SV2C: variants seen among roughly 807,000 people sequenced by gnomAD.
SV2C encodes the protein solute carrier family 22 member B3.
A neutral mutation model predicts 79.7 loss-of-function variants in SV2C; 49 were observed. The observed-to-expected ratio is 0.61, with a 90% CI of 0.49 to 0.78. The LOEUF is 0.78. Ranked by LOEUF, SV2C falls within the 30% of genes least tolerant of loss-of-function variation. The probability of loss-of-function intolerance (pLI) is 0.00; values close to 1 mark genes in which losing one functional copy is unlikely to be tolerated. For synonymous variants in SV2C, 334 were observed against 333.2 expected (o/e 1.00, Z -0.03); for missense variants, 833 against 912.9 (o/e 0.91, Z 1.13).
chr5:75,984,574 T>TCTGTCTATCTATCTATCTATCTAC, the SV2C span, among the ~76,000 whole-genome samples: 1 of 83,248 alleles, frequency 1.2e-5, no homozygotes, highest in African/African-American at 3.2e-5. Context: ...TCTATATCTA[T>TCTGTCTATCTATCTATCTATCTAC]CTATCTATCT....
chr5:76,068,242 T>G, the SV2C span, among the ~76,000 whole-genome samples: 14 of 152,194 alleles, frequency 9.2e-5, no homozygotes, highest in African/African-American at 2.9e-4. Flanking sequence ...CCTAGATTTC[T>G]AAAGAGTCAG....
intron 4 of SV2C, among the ~76,000 whole-genome samples, chr5:76,279,342 A>T (rs1747113726): frequency 1.3e-5 from 2 of 152,198 alleles, no homozygotes; most frequent in African/African-American, 4.8e-5. Context: ...TTGGAGATAG[A>T]TTAGTGCCCC....
At chr5:76,170,711 C>G (rs1580324556) in intron 2 of SV2C, among the ~76,000 whole-genome samples, 1 of 150,152 alleles carries the variant, frequency 6.7e-6, no homozygotes, top group African/African-American at 2.4e-5. Flanking sequence ...ACTGAAAGGA[C>G]TATCATATTT....
At chr5:75,988,175 G>A in the SV2C span, among the ~76,000 whole-genome samples, 19 of 151,874 alleles carry the variant, frequency 1.3e-4, no homozygotes, top group Admixed American at 1.1e-3. Context: ...ATGTCATATT[G>A]TCATTTTTTC....
chr5:76,103,726 C>T lies in SV2C; in HGVS notation c.-102+20214C>T, dbSNP rs17673759. On this transcript the variant is annotated intron_variant, in intron 1 of 12. Coordinates refer to ENST00000502798, the MANE Select transcript of SV2C (RefSeq NM_014979.4). The stretch of plus-strand genomic sequence containing the variant: ...TTTGTATGCATTATCTTATTTAAAC[C>T]TCACAGTTCTAGGAGATTGGTACAA... 1.7e-3 allele frequency among the ~76,000 whole-genome samples: 262 copies of T among 152,300 alleles called. 7 individuals are homozygous for T. The East Asian group carries it at 0.049, about 28-fold the overall frequency.
intron 1 of SV2C, among the ~76,000 whole-genome samples, chr5:76,120,920 C>G (rs957399583): frequency 2.0e-5 from 3 of 151,246 alleles, no homozygotes; most frequent in African/African-American, 7.4e-5. Context: ...ATTTCCAGTT[C>G]TAGATCCCTG....
intron 6 of SV2C, among the ~76,000 whole-genome samples, chr5:76,287,833 T>C (rs1747402933): frequency 1.3e-5 from 2 of 152,332 alleles, no homozygotes; most frequent in South Asian, 4.1e-4. Flanking sequence ...ACACCCATAA[T>C]CCCAGCACTT....
At chr5:75,857,747 A>C in the SV2C span, among the ~76,000 whole-genome samples, 1 of 152,236 alleles carries the variant, frequency 6.6e-6, no homozygotes, top group African/African-American at 2.4e-5. Context: ...AGCATGAAAT[A>C]TCTTTCCATT....
the SV2C span, among the ~76,000 whole-genome samples, chr5:75,905,375 G>A: frequency 1.3e-5 from 2 of 152,184 alleles, no homozygotes; most frequent in African/African-American, 4.8e-5. Flanking sequence ...CTGGGTCAAA[G>A]CATCTAGAAA....
intron 4 of SV2C, among the ~76,000 whole-genome samples, chr5:76,229,607 A>G (rs1002230378): frequency 6.6e-6 from 1 of 152,248 alleles, no homozygotes; most frequent in Non-Finnish European, 1.5e-5. Flanking sequence ...TTCCAAAGCT[A>G]AAGTGTAGTT....
intron 1 of SV2C, among the ~76,000 whole-genome samples, chr5:76,126,902 T>C (rs1310630636): frequency 6.6e-6 from 1 of 152,174 alleles, no homozygotes; most frequent in Admixed American, 6.5e-5. Flanking sequence ...ATCTGTGAAG[T>C]GGGCATTTTT....
chr5:76,082,624 C>A (rs1482331819), upstream of SV2C, among the ~76,000 whole-genome samples: 1 of 123,658 alleles, frequency 8.1e-6, no homozygotes, highest in East Asian at 3.0e-4. Context: ...CTCTCTCTAT[C>A]TCTCTCTCCA....
chr5:75,969,500 CA>C, the SV2C span, among the ~76,000 whole-genome samples: 17 of 151,780 alleles, frequency 1.1e-4, 1 homozygote, highest in African/African-American at 4.1e-4. Context: ...AAATGGAAAA[CA>C]AAAAAAGGCA....
At chr5:76,217,948 C>T (rs766861093) in intron 4 of SV2C, among the ~76,000 whole-genome samples, 20 of 152,142 alleles carry the variant, frequency 1.3e-4, no homozygotes, top group Non-Finnish European at 1.5e-4. Flanking sequence ...ATAGAAATAA[C>T]GAGAGTCTGA....
At chr5:75,849,069 C>T in the SV2C span, among the ~76,000 whole-genome samples, 20 of 152,332 alleles carry the variant, frequency 1.3e-4, no homozygotes, top group African/African-American at 2.9e-4. Context: ...TCTATCTCCC[C>T]GTATGCATGA....
intron 2 of SV2C, among the ~76,000 whole-genome samples, chr5:76,143,937 C>T (rs1749339987): frequency 6.6e-6 from 1 of 152,074 alleles, no homozygotes; most frequent in East Asian, 1.9e-4. Context: ...AAGAGAAAAA[C>T]TGAAGTCAAA....
At chr5:76,060,826 GC>G in the SV2C span, among the ~76,000 whole-genome samples, 1 of 152,024 alleles carries the variant, frequency 6.6e-6, no homozygotes, top group Non-Finnish European at 1.5e-5. Context: ...CTTTCAACAT[GC>G]CTTCCTCACG....
chr5:76,142,379 C>T lies in SV2C; in HGVS notation c.580+10049C>T, dbSNP rs1749281478. On this transcript the variant is annotated intron_variant, in intron 2 of 12. Transcript: ENST00000502798. ...TTTAATGATCTTTAAATTATTTTCA[C>T]ATCTCTCTGTCTTGATTCTGTTTAA... Among the ~76,000 whole-genome samples, 4 of 152,164 alleles carry T rather than the reference C, an allele frequency of 2.6e-5. 1 individual carries two copies. The South Asian group carries it at 8.3e-4, about 32-fold the overall frequency.
the SV2C span, among the ~76,000 whole-genome samples, chr5:76,030,266 G>GTTTTTTTTTTTTTTT: frequency 7.5e-4 from 24 of 31,966 alleles, no homozygotes; most frequent in African/African-American, 1.6e-3. Flanking sequence ...TCAGAGGCTT[G>GTTTTTTTTTTTTTTT]TTTTTTTTTT....
Sources: gnomAD v4.1 joint callset for allele counts (sites outside exome capture counted in the v4.1 genomes callset) on GRCh38, gnomAD v4.1.1 for gene constraint, MANE v1.5 for transcripts, NCBI Gene and HGNC (gene_info 2026-07-23, HGNC 2026-07-21) for gene names.